Variants in RABGAP1 observed in about 807,000 individuals in gnomAD.
RABGAP1 encodes the protein RAB GTPase activating protein 1.
In RABGAP1, 23 loss-of-function variants were observed where a neutral mutation model predicts 137.6. The ratio of observed to expected loss-of-function variants is 0.17; its 90% CI spans 0.12 to 0.24. The LOEUF is 0.24. RABGAP1 is among the 10% of genes least tolerant of loss of function. RABGAP1 has a pLI of 1.00. For synonymous variants in RABGAP1, 451 were observed against 450.7 expected, an observed-to-expected ratio of 1.00 and a Z score of -0.01; for missense variants, 906 against 1,275.8, an observed-to-expected ratio of 0.71 and a Z score of 4.42.
chr9:123,092,034 G>GA (rs1246361241), intron 21 of RABGAP1, among the ~76,000 whole-genome samples: 2 of 151,764 alleles, frequency 1.3e-5, no homozygotes, highest in Non-Finnish European at 2.9e-5. Context: ...ATGCAGAAAG[G>GA]AGGAAAAAAA....
intron 18 of RABGAP1, 136 bp from the exon 19 acceptor site, chr9:123,076,498 C>A: frequency 9.2e-7 from 1 of 1,087,816 alleles, no homozygotes; most frequent in Non-Finnish European, 1.3e-6. Flanking sequence ...TGGATGTATG[C>A]AGGTGGCTCT....
chr9:123,055,042 TAAG>T (rs756547842), intron 13 of RABGAP1, among the ~76,000 whole-genome samples: 1 of 152,202 alleles, frequency 6.6e-6, no homozygotes, highest in Non-Finnish European at 1.5e-5. Flanking sequence ...AGCCCACACT[TAAG>T]GAGTGGGGAG....
chr9:122,970,450 A>C (rs1835410329), intron 2 of RABGAP1, among the ~76,000 whole-genome samples: 1 of 152,212 alleles, frequency 6.6e-6, no homozygotes, highest in Admixed American at 6.5e-5. Context: ...GTCTTAAAAA[A>C]GAAATGTTTT....
chr9:123,048,154 G>A (rs2033303237), intron 13 of RABGAP1, among the ~76,000 whole-genome samples: 1 of 151,924 alleles, frequency 6.6e-6, no homozygotes, highest in African/African-American at 2.4e-5. Context: ...GGCCAGGCTG[G>A]TCTCGAACTC....
At chr9:123,013,231 A>G (rs1233060137) in intron 11 of RABGAP1, among the ~76,000 whole-genome samples, 1 of 152,118 alleles carries the variant, frequency 6.6e-6, no homozygotes, top group Non-Finnish European at 1.5e-5. Flanking sequence ...TGTATTTGGT[A>G]TATTGGTGTT....
intron 13 of RABGAP1, among the ~76,000 whole-genome samples, chr9:123,059,553 T>G (rs1190173647): frequency 6.6e-6 from 1 of 151,994 alleles, no homozygotes; most frequent in African/African-American, 2.4e-5. Context: ...ATACTCCGTC[T>G]CAAAATAAAT....
At chr9:123,094,614 A>G (rs1002581856) in intron 21 of RABGAP1, among the ~76,000 whole-genome samples, 1 of 152,038 alleles carries the variant, frequency 6.6e-6, no homozygotes, top group Non-Finnish European at 1.5e-5. Flanking sequence ...CTGGAGTTTT[A>G]TTTAATGTTT....
At chr9:123,097,878 C>A (rs2035230651) in intron 22 of RABGAP1, 33 bp downstream of exon 22, 2 of 1,576,772 alleles carry the variant, frequency 1.3e-6, no homozygotes, top group African/African-American at 1.4e-5. Context: ...CTCTGTCTTG[C>A]AAATGCTTGA....
chr9:123,059,754 T>G (rs1214686636), intron 13 of RABGAP1, among the ~76,000 whole-genome samples: 2 of 152,266 alleles, frequency 1.3e-5, no homozygotes, highest in Non-Finnish European at 2.9e-5. Context: ...ACCTATGAGC[T>G]GCAAAGCGAC....
upstream of RABGAP1, among the ~76,000 whole-genome samples, chr9:122,936,792 A>G (rs1833394026): frequency 6.6e-6 from 1 of 152,200 alleles, no homozygotes; most frequent in African/African-American, 2.4e-5. Flanking sequence ...TGAGTCAGAT[A>G]TTGAAGGATT....
At position 123,010,369 on chromosome 9, in the gene RABGAP1, A is replaced by G. The variant is rs2030692298; in HGVS notation, c.1390A>G (p.Arg464Gly). The change falls in exon 11 of 26, where the codon AGA (arginine) becomes GGA (glycine). Residue 464 changes from arginine to glycine, a missense_variant. Transcript: ENST00000373647. ...CATCTTCAAGATAAAGCAAAGGGAGAGAAAGAATAATACTGACACTTTATA... is the reference window on the plus strand; with the variant it reads ...CATCTTCAAGATAAAGCAAAGGGAGGGAAAGAATAATACTGACACTTTATA... ...LKLKQIKQRERKNNTDTLYEV... is the reference protein window; with the variant it reads ...LKLKQIKQREGKNNTDTLYEV... The G allele has an allele frequency of 1.2e-6, 2 of 1,610,786 alleles. No individual in the cohort carries two copies. The highest frequency in any genetic ancestry group is 1.7e-5 in the Admixed American group (1 of 59,836).
At chr9:123,055,408 T>G (rs1338895304) in intron 13 of RABGAP1, among the ~76,000 whole-genome samples, 1 of 152,132 alleles carries the variant, frequency 6.6e-6, no homozygotes, top group Non-Finnish European at 1.5e-5. Flanking sequence ...TATTTATTTA[T>G]TTTTGTAGAG....
intron 2 of RABGAP1, among the ~76,000 whole-genome samples, chr9:122,974,463 A>T (rs940502543): frequency 1.2e-4 from 12 of 103,656 alleles, no homozygotes; most frequent in Admixed American, 6.4e-4. Flanking sequence ...TGTTTGCTTG[A>T]TATAGAAAAC....
chr9:122,940,126 G>C (rs1833473151), upstream of RABGAP1: 1 of 152,224 alleles, frequency 6.6e-6, no homozygotes, highest in Non-Finnish European at 1.5e-5. Flanking sequence ...ATGATCGTCT[G>C]TGAATAGCCA....
In RABGAP1 at chr9:123,089,770, A is replaced by C; in HGVS notation, c.2437A>C (p.Lys813Gln). The change falls in exon 20 of 26, where the codon AAG (lysine) becomes CAG (glutamine). Residue 813 changes from lysine (K) to glutamine (Q), a missense_variant. Around this residue, in one of 9 missense-constraint regions of RABGAP1, gnomAD observed 77 missense variants for 105.6 expected, o/e 0.73. Coordinates refer to ENST00000373647, the MANE Select transcript of RABGAP1 (RefSeq NM_012197.4). ...ATTTATCCTACAGATTAGTCAGAAG[A>C]AGTTGAAAAAATACGAGAAAGAATA... Reference protein sequence around the residue: ...LACNMKISQKKLKKYEKEYHT... With the variant: ...LACNMKISQKQLKKYEKEYHT... 1 of 1,612,830 alleles carries C rather than the reference A, an allele frequency of 6.2e-7. No individual in the cohort carries two copies. Among genetic ancestry groups the C allele is most frequent in the Non-Finnish European group, 8.5e-7 (1 of 1,179,120 alleles).
intron 16 of RABGAP1, 80 bp downstream of exon 16, chr9:123,073,757 A>T (rs750263688): frequency 1.6e-5 from 25 of 1,573,924 alleles, no homozygotes; most frequent in South Asian, 2.3e-5. Context: ...GGTGCCAGGG[A>T]GCATTGGTAA....
chr9:122,984,219 A>G (rs766666854), intron 2 of RABGAP1, among the ~76,000 whole-genome samples: 2 of 152,244 alleles, frequency 1.3e-5, no homozygotes. Context: ...AAAGACTTTA[A>G]TAACATTGGC....
chr9:123,041,462 A>G (rs898257436), intron 13 of RABGAP1, among the ~76,000 whole-genome samples: 1 of 152,226 alleles, frequency 6.6e-6, no homozygotes, highest in Non-Finnish European at 1.5e-5. Context: ...TTATGATTCA[A>G]ATCCAATTCT....
chr9:122,989,366 A>G lies in RABGAP1; in HGVS notation c.660A>G (p.Arg220=). 1 of 1,613,920 alleles carries G rather than the reference A, an allele frequency of 6.2e-7. No homozygotes were observed. The highest frequency in any genetic ancestry group is 2.2e-5 in the East Asian group (1 of 44,856). The change falls in exon 5 of 26, where the codon AGA becomes AGG. Residue 220 remains arginine, a synonymous_variant. Transcript: ENST00000373647. ...YPIYKILFCV[R]GHDGTPESDC... ...TCTACAAAATCCTCTTCTGTGTCAG[A>G]GGGCATGATGGAACTCCTGAGAGTG...
Sources: allele counts gnomAD v4.1 joint callset (sites outside exome capture counted in the v4.1 genomes callset), GRCh38; gene constraint gnomAD v4.1.1; regional missense constraint gnomAD v4.1.1; transcripts MANE v1.5; gene names NCBI Gene and HGNC (gene_info 2026-07-23, HGNC 2026-07-21).